The following ATG4A variants were observed in gnomAD, a reference collection of about 807,000 sequenced individuals.
ATG4A encodes the protein cysteine protease ATG4A.
ATG4A carries 22 observed loss-of-function variants against 38.4 expected under a neutral mutation model. The ratio of observed to expected loss-of-function variants is 0.57; its 90% CI spans 0.41 to 0.82. The LOEUF (loss-of-function observed/expected upper bound fraction) is 0.82. Among genes scored for constraint, ATG4A ranks in the 40% least tolerant of loss-of-function variants. ATG4A has a pLI of 0.00. For missense variants in ATG4A, 220 were observed against 290.0 expected (o/e 0.76, Z 1.75); for synonymous variants, 86 against 100.7 (o/e 0.85, Z 0.88).
chrX:108,096,146 T>A (rs1037506086), intron 1 of ATG4A, among the ~76,000 whole-genome samples: 3 of 112,822 alleles, frequency 2.7e-5, no homozygotes, highest in Admixed American at 9.4e-5. Flanking sequence ...ATAAAGCATC[T>A]TGACATTACT....
At chrX:108,091,299 G>A, upstream of ATG4A, 1 of 714,827 alleles carries the variant, frequency 1.4e-6, no homozygotes, top group Non-Finnish European at 2.2e-6. Context: ...CGGCGGGGGC[G>A]GGGTTCTGCT....
chrX:108,108,159 C>CTT (rs35622417), intron 1 of ATG4A, among the ~76,000 whole-genome samples: 5,056 of 65,660 alleles, frequency 0.077, 493 homozygotes, highest in African/African-American at 0.12. Flanking sequence ...TTTTGAGGCA[C>CTT]TTTTTTTTTT....
intron 9 of ATG4A, among the ~76,000 whole-genome samples, chrX:108,139,571 G>C (rs1277386020): frequency 3.5e-5 from 4 of 112,689 alleles, no homozygotes; most frequent in Middle Eastern, 4.2e-3. Flanking sequence ...GGAAAACGTG[G>C]AGCCTGTAAA....
chrX:108,111,410 A>G (rs1393701111), intron 1 of ATG4A, among the ~76,000 whole-genome samples: 1 of 111,677 alleles, frequency 9.0e-6, no homozygotes, highest in Non-Finnish European at 1.9e-5. Flanking sequence ...GCTCCTTTAC[A>G]CTGCAATAGA....
At chrX:108,110,409 A>G (rs1482601846) in intron 1 of ATG4A, among the ~76,000 whole-genome samples, 2 of 110,131 alleles carry the variant, frequency 1.8e-5, no homozygotes, top group African/African-American at 6.6e-5. Context: ...GATCAGGGTA[A>G]TTAGCATATC....
At chrX:108,106,352 T>A (rs905032752) in intron 1 of ATG4A, among the ~76,000 whole-genome samples, 7 of 112,212 alleles carry the variant, frequency 6.2e-5, no homozygotes, top group Non-Finnish European at 9.4e-5. Flanking sequence ...AATATAATTT[T>A]AAAAATATTT....
At chrX:108,111,795 T>G (rs1354124018) in intron 1 of ATG4A, among the ~76,000 whole-genome samples, 1 of 111,761 alleles carries the variant, frequency 8.9e-6, no homozygotes, top group Non-Finnish European at 1.9e-5. Context: ...AGTTGCATTT[T>G]CACTGAGTAT....
intron 9 of ATG4A, among the ~76,000 whole-genome samples, chrX:108,140,995 T>TACAC (rs1569311456): frequency 3.4e-5 from 3 of 87,068 alleles, no homozygotes; most frequent in African/African-American, 1.4e-4. Flanking sequence ...TACGTATATA[T>TACAC]ATACATATAT....
intron 2 of ATG4A, chrX:108,126,833 C>T (rs1266238312): frequency 2.3e-6 from 2 of 875,001 alleles, no homozygotes; most frequent in Non-Finnish European, 3.0e-6. Context: ...CTGCTAACAG[C>T]CCAGCACCCA....
At chrX:108,130,018 T>A (rs2032914525) in intron 3 of ATG4A, among the ~76,000 whole-genome samples, 1 of 111,202 alleles carries the variant, frequency 9.0e-6, no homozygotes, top group South Asian at 3.8e-4. Context: ...TTTCTAATTT[T>A]ACTCTGCCAA....
chrX:108,091,354 A>G, upstream of ATG4A: 2 of 1,131,212 alleles, frequency 1.8e-6, no homozygotes, highest in Non-Finnish European at 1.2e-6. Flanking sequence ...CCCGAAAGCC[A>G]CGTAGGGCTT....
chrX:108,109,313 C>A (rs762664039), intron 1 of ATG4A, among the ~76,000 whole-genome samples: 1 of 112,077 alleles, frequency 8.9e-6, no homozygotes, highest in South Asian at 3.7e-4. Context: ...CTATTCAATT[C>A]TTTGCCCATT....
intron 1 of ATG4A, among the ~76,000 whole-genome samples, chrX:108,095,085 G>T (rs752590030): frequency 7.2e-4 from 81 of 111,872 alleles, no homozygotes; most frequent in Non-Finnish European, 1.4e-3. Flanking sequence ...CTCCTGAGGC[G>T]CATGCCACCA....
rs373859569 is a variant in ATG4A at position 108,151,891 on chromosome X, T to C, written c.1017+33T>C. On this transcript the variant is annotated intron_variant, in intron 11 of 12. Transcript: ENST00000372232. ...TATATGTTTTTCTTAGTCTGAAAAATGAAGTTACCCAATTTTATTCCTTTT... is the reference window on the plus strand; with the variant it reads ...TATATGTTTTTCTTAGTCTGAAAAACGAAGTTACCCAATTTTATTCCTTTT... 8.8e-6 allele frequency: 10 copies of C among 1,130,213 alleles called. No individual in the cohort carries two copies. In the African/African-American group the frequency reaches 1.3e-4, roughly 14 times the overall value. The allele number at this position is 1,130,213 out of a possible 1,213,427, so 93.1% of individuals were successfully genotyped here.
chrX:108,088,880 T>G (rs1171920834), upstream of ATG4A: 1 of 1,071,719 alleles, frequency 9.3e-7, no homozygotes. Flanking sequence ...GAAACATTCT[T>G]GAAATAGAAG....
chrX:108,141,250 G>GC (rs1266335956), intron 9 of ATG4A, among the ~76,000 whole-genome samples: 4 of 104,387 alleles, frequency 3.8e-5, no homozygotes, highest in African/African-American at 1.4e-4. Flanking sequence ...CTCTATCCCT[G>GC]CCACCATGGC....
chrX:108,108,360 G>A (rs1005964447), intron 1 of ATG4A, among the ~76,000 whole-genome samples: 3 of 107,153 alleles, frequency 2.8e-5, no homozygotes, highest in African/African-American at 1.0e-4. Flanking sequence ...TATGAGTTAT[G>A]TATATATATA....
At chrX:108,100,737 G>T (rs2147960010) in intron 1 of ATG4A, among the ~76,000 whole-genome samples, 1 of 111,887 alleles carries the variant, frequency 8.9e-6, no homozygotes, top group East Asian at 2.8e-4. Context: ...TGTTGAGCTA[G>T]CCTTGCATCC....
chrX:108,128,594 A>C (rs925089898), intron 2 of ATG4A, among the ~76,000 whole-genome samples, 187 bp from the exon 3 acceptor site: 2 of 111,976 alleles, frequency 1.8e-5, no homozygotes, highest in Non-Finnish European at 3.8e-5. Context: ...AGCTCTGGTC[A>C]AACTATAGGT....
Sources: gnomAD v4.1 joint callset for allele counts (sites outside exome capture counted in the v4.1 genomes callset) on GRCh38, gnomAD v4.1.1 for gene constraint, MANE v1.5 for transcripts, NCBI Gene and HGNC (gene_info 2026-07-23, HGNC 2026-07-21) for gene names.